The following SAMD12 variants were observed in gnomAD, a reference collection of about 807,000 sequenced individuals.
SAMD12 encodes the protein sterile alpha motif domain containing 12.
Under a neutral mutation model 15.0 loss-of-function variants are expected in SAMD12, and 9 were observed. The observed-to-expected ratio is 0.60, with a 90% CI of 0.36 to 1.05. The LOEUF (loss-of-function observed/expected upper bound fraction) is 1.05, where lower values mean the gene tolerates loss of function less well. Among genes scored for constraint, SAMD12 ranks in the 50% least tolerant of loss-of-function variants. SAMD12 has a pLI of 0.01. For missense variants in SAMD12, 230 were observed against 234.2 expected, an observed-to-expected ratio of 0.98 and a Z score of 0.12; for synonymous variants, 86 against 90.1, an observed-to-expected ratio of 0.96 and a Z score of 0.25.
At chr8:118,160,039 A>G in the SAMD12 span, among the ~76,000 whole-genome samples, 1 of 152,176 alleles carries the variant, frequency 6.6e-6, no homozygotes, top group Non-Finnish European at 1.5e-5. Flanking sequence ...ACTTTACAAC[A>G]AGACCCAAAA....
At chr8:118,257,937 CA>C (rs1410230690) in intron 4 of SAMD12, among the ~76,000 whole-genome samples, 1 of 152,090 alleles carries the variant, frequency 6.6e-6, no homozygotes, top group Non-Finnish European at 1.5e-5. Context: ...CCATTCAGGT[CA>C]ATGTTCCACT....
At chr8:118,284,425 A>G (rs1813821024) in intron 4 of SAMD12, 1 of 453,304 alleles carries the variant, frequency 2.2e-6, no homozygotes, top group South Asian at 1.6e-5. Flanking sequence ...TTGACAAGTG[A>G]GTGATTCTGC....
intron 4 of SAMD12, among the ~76,000 whole-genome samples, chr8:118,200,060 T>C (rs1819669591): frequency 1.3e-5 from 2 of 152,212 alleles, no homozygotes; most frequent in South Asian, 4.1e-4. Context: ...GATGGTTTTA[T>C]AACAAGTTTC....
At chr8:118,406,209 TTC>T (rs1278218624) in intron 3 of SAMD12, among the ~76,000 whole-genome samples, 1 of 151,628 alleles carries the variant, frequency 6.6e-6, no homozygotes, top group Non-Finnish European at 1.5e-5. Flanking sequence ...ACACTATGGA[TTC>T]TTTTTTTTTT....
intron 3 of SAMD12, among the ~76,000 whole-genome samples, chr8:118,393,230 C>CCTTTT (rs56027654): frequency 6.6e-6 from 1 of 151,494 alleles, no homozygotes; most frequent in Non-Finnish European, 1.5e-5. Context: ...TTTCTCTTTT[C>CCTTTT]GAGAGAAGGT....
At chr8:118,241,530 A>T (rs1384716594) in intron 4 of SAMD12, among the ~76,000 whole-genome samples, 2 of 152,110 alleles carry the variant, frequency 1.3e-5, no homozygotes, top group South Asian at 2.1e-4. Context: ...TGACTTTTTC[A>T]TGGAGAAGTT....
the SAMD12 span, among the ~76,000 whole-genome samples, chr8:118,163,680 C>T: frequency 1.3e-5 from 2 of 151,748 alleles, no homozygotes; most frequent in African/African-American, 4.8e-5. Context: ...TCGAGACCAT[C>T]CTGGCTAACA....
At chr8:118,416,007 TAA>T (rs1019131997) in intron 3 of SAMD12, among the ~76,000 whole-genome samples, 2 of 152,214 alleles carry the variant, frequency 1.3e-5, no homozygotes, top group African/African-American at 4.8e-5. Flanking sequence ...TTTTTTTCTT[TAA>T]AGTGTTTGGA....
rs35835490 is a variant in SAMD12, at chr8:118,430,371, C to CTTT, written c.322+9458_322+9460dup. Among the ~76,000 whole-genome samples the CTTT allele has an allele frequency of 1.4e-3, 198 of 146,070 alleles. 2 individuals carry two copies. Among genetic ancestry groups the CTTT allele is most frequent in the Non-Finnish European group, 1.6e-3 (104 of 66,680 alleles). ...TAACCCTGTATCATTCTGTAATTGC[C>CTTT]TTTTTTTTTTTTGATGGAGTCTCGC... On this transcript the variant is annotated intron_variant, in intron 3 of 3. Transcript: ENST00000314727.
chr8:118,337,724 T>G (rs892956229), intron 4 of SAMD12, among the ~76,000 whole-genome samples: 2 of 152,216 alleles, frequency 1.3e-5, no homozygotes, highest in South Asian at 2.1e-4. Context: ...TTGCAGTGTT[T>G]CTATTAAAGT....
At chr8:118,542,706 A>G (rs1826019282) in intron 2 of SAMD12, among the ~76,000 whole-genome samples, 1 of 152,260 alleles carries the variant, frequency 6.6e-6, no homozygotes, top group Admixed American at 6.5e-5. Flanking sequence ...GTGCACATTC[A>G]GGTAATAAGC....
chr8:118,419,781 C>T (rs1586698249), intron 3 of SAMD12, among the ~76,000 whole-genome samples: 1 of 152,196 alleles, frequency 6.6e-6, no homozygotes, highest in African/African-American at 2.4e-5. Context: ...GTCCTATCTT[C>T]CCCCACTAGA....
At chr8:118,484,936 C>T (rs1824235350) in intron 2 of SAMD12, among the ~76,000 whole-genome samples, 2 of 152,074 alleles carry the variant, frequency 1.3e-5, no homozygotes, top group South Asian at 4.1e-4. Flanking sequence ...ACCCAATGAT[C>T]CTTGGTCGTA....
intron 2 of SAMD12, among the ~76,000 whole-genome samples, chr8:118,483,800 C>T (rs1441479879): frequency 6.6e-6 from 1 of 152,150 alleles, no homozygotes; most frequent in Non-Finnish European, 1.5e-5. Context: ...TTTAGAATAA[C>T]ACCATATTGT....
intron 3 of SAMD12, among the ~76,000 whole-genome samples, chr8:118,397,359 G>C (rs951894999): frequency 2.0e-5 from 3 of 152,186 alleles, no homozygotes; most frequent in Non-Finnish European, 4.4e-5. Flanking sequence ...AAATCTGGGA[G>C]AATGAGATCC....
chr8:118,572,132 T>C (rs1827028388), intron 2 of SAMD12, among the ~76,000 whole-genome samples: 1 of 152,130 alleles, frequency 6.6e-6, no homozygotes, highest in Non-Finnish European at 1.5e-5. Flanking sequence ...AAGGAGATCA[T>C]TTGGAACTTT....
chr8:118,163,514 C>T, the SAMD12 span, among the ~76,000 whole-genome samples: 2 of 152,160 alleles, frequency 1.3e-5, no homozygotes, highest in African/African-American at 4.8e-5. Flanking sequence ...TTAGAACCAC[C>T]TGGGGGAGCG....
chr8:118,394,297 T>A (rs185505792), intron 3 of SAMD12, among the ~76,000 whole-genome samples: 1 of 152,316 alleles, frequency 6.6e-6, no homozygotes, highest in Admixed American at 6.5e-5. Flanking sequence ...CCTCCCTTCT[T>A]GTCTGATGAG....
rs531466041 is a variant in SAMD12 at position 118,532,846 on chromosome 8, T to G, written c.192+47869A>C. ...TTCTCTCTTTTTTTCTTTACTAGTC[T>G]TTCTAGCGGTCTATCAATTTTGTTG... On this transcript the variant is annotated intron_variant, in intron 2 of 3. Transcript: ENST00000314727. 2.0e-5 allele frequency among the ~76,000 whole-genome samples: 3 copies of G among 152,310 alleles called. No homozygotes were observed. In the South Asian group the frequency reaches 6.2e-4, roughly 32 times the overall value.
Sources: allele counts gnomAD v4.1 joint callset (sites outside exome capture counted in the v4.1 genomes callset), GRCh38; gene constraint gnomAD v4.1.1; transcripts MANE v1.5; gene names NCBI Gene and HGNC (gene_info 2026-07-23, HGNC 2026-07-21).